The following RBL1 variants were observed in gnomAD, a reference collection of about 807,000 sequenced individuals.
RBL1 encodes the protein retinoblastoma-like protein 1.
In RBL1, 82 loss-of-function variants were observed where a neutral mutation model predicts 123.0. That is an observed-to-expected ratio of 0.67 (90% CI 0.56 to 0.80). The LOEUF (loss-of-function observed/expected upper bound fraction) is 0.80, where lower values mean the gene tolerates loss of function less well. RBL1 is among the 30% of genes least tolerant of loss of function. The probability of loss-of-function intolerance (pLI) is 0.00; values close to 1 mark genes in which losing one functional copy is unlikely to be tolerated. For missense variants in RBL1, 1,171 were observed against 1,299.6 expected, an observed-to-expected ratio of 0.90 and a Z score of 1.52; for synonymous variants, 405 against 441.3, an observed-to-expected ratio of 0.92 and a Z score of 1.03.
rs1291677452 is a variant in RBL1 at position 37,064,936 on chromosome 20, T to TG, written c.896+487_896+488insC. On this transcript the variant is annotated intron_variant, in intron 7 of 21. Transcript: ENST00000373664. The stretch of plus-strand genomic sequence containing the variant: ...CCACCATGCCCGGCCTCTTTCTTTT[T>TG]TTTTTTTTTTTTGGAAATAGGGTCT... 2.6e-5 allele frequency among the ~76,000 whole-genome samples: 4 copies of TG among 151,542 alleles called. No homozygotes were observed. In the East Asian group the frequency reaches 7.7e-4, roughly 29 times the overall value.
intron 9 of RBL1, among the ~76,000 whole-genome samples, chr20:37,057,274 C>T (rs941385332): frequency 3.9e-5 from 6 of 152,136 alleles, no homozygotes; most frequent in Admixed American, 2.6e-4. Flanking sequence ...GAGGAACGTC[C>T]GTACTGTTTT....
rs916032171 is a variant in RBL1, at chr20:37,061,068, A to G, written c.1250+35T>C. 13 of 1,490,866 alleles carry G rather than the reference A, an allele frequency of 8.7e-6. No homozygotes were observed. In the African/African-American group the frequency reaches 1.7e-4, roughly 19 times the overall value. The allele number at this position is 1,490,866 out of a possible 1,614,324, so 92.4% of individuals were successfully genotyped here. A position where few individuals can be genotyped will look rare whatever the true frequency, so the allele number is the denominator to read the frequency against. ...AATGGAACAAGAAATCTAATTTTAA[A>G]AAGACATTTGGAAAAATAACAGTAT... On this transcript the variant is annotated intron_variant, in intron 9 of 21. Transcript: ENST00000373664.
Position 37,007,303 on chromosome 20 carries a change from G to A in RBL1, c.2871+108C>T, listed in dbSNP as rs542902859. The A allele has an allele frequency of 1.2e-4, 139 of 1,179,968 alleles. 3 individuals carry two copies. The highest frequency in any genetic ancestry group is 1.1e-3 in the Middle Eastern group (4 of 3,704). The allele number at this position is 1,179,968 out of a possible 1,614,324, so 73.1% of individuals were successfully genotyped here. ...CTGATTAAGTTACTGGACATGCTCT[G>A]ATTAATTGCTAGTAATTTTACTTGG... On this transcript the variant is annotated intron_variant, in intron 20 of 21. Coordinates refer to ENST00000373664, the MANE Select transcript of RBL1 (RefSeq NM_002895.5).
At chr20:37,012,534 G>C (rs2064172059) in intron 19 of RBL1, among the ~76,000 whole-genome samples, 1 of 149,782 alleles carries the variant, frequency 6.7e-6, no homozygotes, top group Non-Finnish European at 1.5e-5. Context: ...TGGGATGTGA[G>C]GAGCGCCTCT....
intron 18 of RBL1, among the ~76,000 whole-genome samples, chr20:37,019,353 T>C (rs1157156978): frequency 6.6e-6 from 1 of 152,228 alleles, no homozygotes; most frequent in Admixed American, 6.5e-5. Flanking sequence ...CATGATCCAT[T>C]CCCCCTTGTA....
At chr20:37,051,707 CAAAATT>C (rs2064917046) in intron 11 of RBL1, among the ~76,000 whole-genome samples, 1 of 145,678 alleles carries the variant, frequency 6.9e-6, no homozygotes, top group Non-Finnish European at 1.5e-5. Flanking sequence ...AAAAAGAAAA[CAAAATT>C]AAAAAAAAAA....
intron 9 of RBL1, among the ~76,000 whole-genome samples, chr20:37,057,369 T>C (rs1179833193): frequency 6.6e-6 from 1 of 152,170 alleles, no homozygotes; most frequent in Non-Finnish European, 1.5e-5. Flanking sequence ...ACCTGCTATT[T>C]TGGTTTTTTT....
At chr20:37,087,927 G>C (rs1482555067) in intron 2 of RBL1, among the ~76,000 whole-genome samples, 2 of 152,142 alleles carry the variant, frequency 1.3e-5, no homozygotes, top group Non-Finnish European at 1.5e-5. Flanking sequence ...GGGGTAAAAG[G>C]CTACAAATGT....
chr20:37,018,497 T>G, intron 18 of RBL1, 128 bp from the exon 19 acceptor site: 28 of 1,272,722 alleles, frequency 2.2e-5, no homozygotes, highest in Non-Finnish European at 2.7e-5. Context: ...TACTCAAGGG[T>G]AAAATGTTAT....
intron 2 of RBL1, among the ~76,000 whole-genome samples, chr20:37,085,111 G>A (rs2065518540): frequency 6.7e-6 from 1 of 148,150 alleles, no homozygotes; most frequent in Non-Finnish European, 1.5e-5. Flanking sequence ...GTGCCAAAAG[G>A]AGACGTTTTT....
intron 2 of RBL1, among the ~76,000 whole-genome samples, chr20:37,069,715 C>T (rs912114739): frequency 7.3e-5 from 11 of 151,478 alleles, no homozygotes; most frequent in Admixed American, 2.0e-4. Context: ...GGAGCGTCTC[C>T]GCCTGGCAGC....
chr20:37,067,163 A>G, intron 4 of RBL1, 42 bp from the exon 5 acceptor site: 1 of 1,572,252 alleles, frequency 6.4e-7, no homozygotes, highest in Non-Finnish European at 8.6e-7. Context: ...CAAAAACCAG[A>G]AACCTCTCAT....
chr20:37,038,010 T>G (rs908021603), intron 14 of RBL1, among the ~76,000 whole-genome samples: 1 of 110,160 alleles, frequency 9.1e-6, no homozygotes, highest in Non-Finnish European at 1.8e-5. Flanking sequence ...TTTTTTTTTT[T>G]GAGATGCAGT....
intron 6 of RBL1, among the ~76,000 whole-genome samples, chr20:37,065,955 T>C (rs2065171038): frequency 1.3e-5 from 2 of 152,188 alleles, no homozygotes. Flanking sequence ...TAGAGATGTT[T>C]AGCATACAGA....
At chr20:37,025,811 C>T (rs1157711281) in intron 16 of RBL1, among the ~76,000 whole-genome samples, 2 of 150,212 alleles carry the variant, frequency 1.3e-5, no homozygotes, top group African/African-American at 4.9e-5. Context: ...GGCGTGATCT[C>T]GGCTCACTGC....
In RBL1 at chr20:37,056,187, T is replaced by G; in HGVS notation, c.1322A>C (p.His441Pro). The change falls in exon 10 of 22, where the codon CAC (histidine) becomes CCC (proline). Residue 441 changes from histidine to proline, a missense_variant. Coordinates refer to ENST00000373664, the MANE Select transcript of RBL1 (RefSeq NM_002895.5). ...LKGIGETFCQ[H>P]YTQSTDEQPG... ...CTGTTCATCTGTTGATTGAGTATAG[T>G]GTTGACAGAAAGTCTCTCCTATTCC... 6.2e-7 allele frequency: 1 copy of G among 1,611,360 alleles called. No individual in the cohort carries two copies. Among genetic ancestry groups the G allele is most frequent in the Non-Finnish European group, 8.5e-7 (1 of 1,179,832 alleles).
At chr20:37,066,915 A>G (rs200416996) in intron 5 of RBL1, 31 bp from the exon 6 acceptor site, 3 of 1,578,000 alleles carry the variant, frequency 1.9e-6, no homozygotes, top group East Asian at 4.5e-5. Context: ...GGGCAGAGGG[A>G]AAAAAAAATA....
chr20:37,024,754 A>C (rs2064393823), intron 16 of RBL1, among the ~76,000 whole-genome samples: 4 of 152,256 alleles, frequency 2.6e-5, no homozygotes, highest in Non-Finnish European at 5.9e-5. Flanking sequence ...TGTCAAACTT[A>C]GGTTAATTAT....
At chr20:37,030,264 G>A (rs1293739564) in intron 16 of RBL1, among the ~76,000 whole-genome samples, 2 of 152,130 alleles carry the variant, frequency 1.3e-5, no homozygotes. Flanking sequence ...ATAGAATAGA[G>A]AGCCCAGAAT....
Sources: gnomAD v4.1 joint callset for allele counts (sites outside exome capture counted in the v4.1 genomes callset) on GRCh38, gnomAD v4.1.1 for gene constraint, MANE v1.5 for transcripts, NCBI Gene and HGNC (gene_info 2026-07-23, HGNC 2026-07-21) for gene names.